Variants in TRAM2 observed in about 807,000 individuals in gnomAD.
TRAM2 encodes translocation associated membrane protein 2.
Under a neutral mutation model 51.0 loss-of-function variants are expected in TRAM2, and 12 were observed. The ratio of observed to expected loss-of-function variants is 0.24; its 90% CI spans 0.15 to 0.38. TRAM2 has a LOEUF of 0.38. TRAM2 is among the 10% of genes least tolerant of loss of function. The pLI is 1.00. For synonymous variants in TRAM2, 175 were observed against 179.4 expected (o/e 0.98, Z 0.20); for missense variants, 361 against 462.0 (o/e 0.78, Z 2.00).
intron 4 of TRAM2, among the ~76,000 whole-genome samples, chr6:52,513,263 A>G (rs1218982798): frequency 6.6e-6 from 1 of 152,220 alleles, no homozygotes; most frequent in African/African-American, 2.4e-5. Context: ...TTTTTAAAAA[A>G]TGATCATTTA....
At position 52,516,667 on chromosome 6, in the gene TRAM2, G is replaced by A; in HGVS notation, c.255C>T (p.Thr85=). The change falls in exon 3 of 11, where the codon ACC becomes ACT. Residue 85 remains threonine, a synonymous_variant. Coordinates refer to ENST00000182527, the MANE Select transcript of TRAM2 (RefSeq NM_012288.4). ...LVTILFYIFI[T]IILHAVVQEY... ...CCTGAACCACAGCATGCAAGATGAT[G>A]GTGATGAAGATGTAGAACAAGATTG... 1 of 1,614,150 alleles carries A rather than the reference G, an allele frequency of 6.2e-7. No homozygotes were observed. Among genetic ancestry groups the A allele is most frequent in the South Asian group, 1.1e-5 (1 of 91,076 alleles).
chr6:52,539,153 G>C (rs1339986570), intron 1 of TRAM2, among the ~76,000 whole-genome samples: 3 of 152,206 alleles, frequency 2.0e-5, no homozygotes, highest in Non-Finnish European at 2.9e-5. Flanking sequence ...ACTTCTGCAT[G>C]ACAGTTGGGG....
chr6:52,560,277 CAT>C (rs1767477366), intron 1 of TRAM2, among the ~76,000 whole-genome samples: 2 of 151,450 alleles, frequency 1.3e-5, no homozygotes, highest in East Asian at 1.9e-4. Flanking sequence ...GAGAGAGAAA[CAT>C]ATAAAGTTGA....
chr6:52,539,560 T>C (rs1472874487), intron 1 of TRAM2, among the ~76,000 whole-genome samples: 1 of 152,152 alleles, frequency 6.6e-6, no homozygotes, highest in African/African-American at 2.4e-5. Flanking sequence ...AAATCACCCA[T>C]TTTAAGTGTA....
At chr6:52,556,161 G>A (rs1424110978) in intron 1 of TRAM2, among the ~76,000 whole-genome samples, 1 of 152,044 alleles carries the variant, frequency 6.6e-6, no homozygotes, top group Non-Finnish European at 1.5e-5. Flanking sequence ...GTGGCTCTTG[G>A]GGGAGGGCAT....
In TRAM2 at chr6:52,530,274, G is replaced by C. The variant is rs79905263; in HGVS notation, c.184+5509C>G. On this transcript the variant is annotated intron_variant, in intron 2 of 10. Transcript: ENST00000182527. The stretch of plus-strand genomic sequence containing the variant: ...TTAAAGAAAACCTCAAGGACGCCAG[G>C]GTGGCAGGGGCTCCACCAGGATGCA... Among the ~76,000 whole-genome samples, 7 of 152,232 alleles carry C rather than the reference G, an allele frequency of 4.6e-5. No homozygotes were observed. In the East Asian group the frequency reaches 1.4e-3, roughly 29 times the overall value.
intron 2 of TRAM2, among the ~76,000 whole-genome samples, chr6:52,520,591 A>G (rs1766654326): frequency 6.6e-6 from 1 of 152,242 alleles, no homozygotes; most frequent in East Asian, 1.9e-4. Context: ...AAATTCTGCA[A>G]CATGCATTAT....
At chr6:52,552,275 C>T (rs1401319253) in intron 1 of TRAM2, among the ~76,000 whole-genome samples, 2 of 152,372 alleles carry the variant, frequency 1.3e-5, no homozygotes. Flanking sequence ...ACAGGACCAA[C>T]AGGCTCCCCA....
At position 52,501,380 on chromosome 6, in the gene TRAM2, G is replaced by A. The variant is rs1267741474; in HGVS notation, c.*1817C>T. 6.6e-6 allele frequency: 1 copy of A among 152,134 alleles called. No individual in the cohort carries two copies. Among genetic ancestry groups the A allele is most frequent in the East Asian group, 1.9e-4 (1 of 5,192 alleles). The allele number at this position is 152,134 out of a possible 1,614,324, so 9.4% of individuals were successfully genotyped here. On this transcript the variant is annotated 3_prime_UTR_variant, in exon 11 of 11. Coordinates refer to ENST00000182527, the MANE Select transcript of TRAM2 (RefSeq NM_012288.4). ...GATGTAAGTGACTTGGAGAAGGGGA[G>A]TTGCCTTGATGAAAAGACCCATTTC...
chr6:52,552,601 G>A (rs1030085479), intron 1 of TRAM2, among the ~76,000 whole-genome samples: 1 of 152,098 alleles, frequency 6.6e-6, no homozygotes, highest in Non-Finnish European at 1.5e-5. Context: ...TTGTATCCAC[G>A]GATTCTTCCC....
At position 52,509,603 on chromosome 6, in the gene TRAM2, G is replaced by A. The variant is rs755258866; in HGVS notation, c.412-17C>T. On this transcript the variant is annotated splice_polypyrimidine_tract_variant and intron_variant, in intron 4 of 10. Coordinates refer to ENST00000182527, the MANE Select transcript of TRAM2 (RefSeq NM_012288.4). ...GTATCCTTCCTGCAGTGGGCAAGAA[G>A]AGAGACCATTTAGAGATGTGGACGT... 12 of 1,613,792 alleles carry A rather than the reference G, an allele frequency of 7.4e-6. No individual in the cohort carries two copies. The South Asian group carries it at 1.3e-4, about 18-fold the overall frequency.
At chr6:52,547,035 C>T (rs1445619149) in intron 1 of TRAM2, among the ~76,000 whole-genome samples, 2 of 152,102 alleles carry the variant, frequency 1.3e-5, no homozygotes, top group African/African-American at 4.8e-5. Flanking sequence ...AAAGGAGGGG[C>T]AGAGCTGGTG....
intron 2 of TRAM2, among the ~76,000 whole-genome samples, chr6:52,526,918 T>A (rs1280926472): frequency 6.6e-6 from 1 of 152,168 alleles, no homozygotes; most frequent in Non-Finnish European, 1.5e-5. Flanking sequence ...GTGAACTTTT[T>A]AAAATTCATT....
chr6:52,505,284 C>T (rs1766325951), intron 9 of TRAM2, among the ~76,000 whole-genome samples: 1 of 152,204 alleles, frequency 6.6e-6, no homozygotes, highest in South Asian at 2.1e-4. Flanking sequence ...TTAAAGCACC[C>T]ACACACAAGA....
intron 1 of TRAM2, among the ~76,000 whole-genome samples, chr6:52,545,360 G>A (rs1281217625): frequency 1.3e-5 from 2 of 152,212 alleles, no homozygotes; most frequent in South Asian, 2.1e-4. Flanking sequence ...CATTAAGTAA[G>A]TCTCTTTCAG....
intron 4 of TRAM2, 115 bp from the exon 5 acceptor site, chr6:52,509,701 AG>A: frequency 2.3e-6 from 2 of 868,494 alleles, no homozygotes; most frequent in Non-Finnish European, 3.7e-6. Flanking sequence ...AGAAAGAGGA[AG>A]GAACAGGAAA....
intron 1 of TRAM2, among the ~76,000 whole-genome samples, chr6:52,557,701 TG>T (rs1397979569): frequency 6.6e-6 from 1 of 152,162 alleles, no homozygotes; most frequent in African/African-American, 2.4e-5. Context: ...AAGAAGAGCC[TG>T]TGAGTTAATC....
intron 2 of TRAM2, among the ~76,000 whole-genome samples, chr6:52,528,886 CTTT>C (rs144917424): frequency 0.31 from 39,285 of 125,072 alleles, 4,792 homozygotes; most frequent in Admixed American, 0.38. Context: ...GTGTACATGA[CTTT>C]TTTTTTTTTT....
intron 1 of TRAM2, among the ~76,000 whole-genome samples, chr6:52,553,401 C>G (rs531261175): frequency 1.4e-4 from 21 of 152,360 alleles, no homozygotes; most frequent in African/African-American, 4.8e-4. Flanking sequence ...CCAGGGCAAT[C>G]TGGCCCAGGA....
Sources: allele counts gnomAD v4.1 joint callset (sites outside exome capture counted in the v4.1 genomes callset), GRCh38; gene constraint gnomAD v4.1.1; transcripts MANE v1.5; gene names NCBI Gene and HGNC (gene_info 2026-07-23, HGNC 2026-07-21).